RNLS: variants seen among roughly 807,000 people sequenced by gnomAD.
RNLS encodes the protein renalase, FAD dependent amine oxidase, also known as renalase.
RNLS carries 39 observed loss-of-function variants against 39.8 expected under a neutral mutation model. The observed-to-expected ratio is 0.98, with a 90% confidence interval of 0.76 to 1.28. RNLS has a LOEUF of 1.28. RNLS is among the 50% of genes most tolerant of loss of function. The pLI, the probability that RNLS is intolerant of heterozygous loss-of-function variation, is 0.00. For synonymous variants in RNLS, 147 were observed against 150.7 expected (o/e 0.98, Z 0.18); for missense variants, 410 against 413.3 (o/e 0.99, Z 0.07).
intron 4 of RNLS, among the ~76,000 whole-genome samples, chr10:88,483,082 T>C (rs1163680638): frequency 6.6e-6 from 1 of 152,134 alleles, no homozygotes; most frequent in Admixed American, 6.6e-5. Context: ...TCTGACTGTA[T>C]AGTTTAATGG....
intron 5 of RNLS, among the ~76,000 whole-genome samples, chr10:88,360,143 A>G (rs1282305897): frequency 1.3e-5 from 2 of 152,198 alleles, no homozygotes; most frequent in African/African-American, 4.8e-5. Context: ...ATGTGACTCT[A>G]CTTGAAGATA....
intron 4 of RNLS, among the ~76,000 whole-genome samples, chr10:88,571,514 T>C (rs1233239638): frequency 6.6e-6 from 1 of 152,190 alleles, no homozygotes; most frequent in East Asian, 1.9e-4. Flanking sequence ...TGAGACCACA[T>C]GCTCTCTAAG....
intron 4 of RNLS, among the ~76,000 whole-genome samples, chr10:88,550,303 T>G (rs1410869994): frequency 6.6e-6 from 1 of 152,226 alleles, no homozygotes; most frequent in Non-Finnish European, 1.5e-5. Context: ...AACTGATTTT[T>G]TTTCCTTCAA....
chr10:88,525,193 T>C (rs1167333490), intron 4 of RNLS, among the ~76,000 whole-genome samples: 1 of 151,602 alleles, frequency 6.6e-6, no homozygotes, highest in Non-Finnish European at 1.5e-5. Flanking sequence ...CTTCATTCTA[T>C]ACCCTATCCC....
chr10:88,348,511 C>A (rs792222), intron 5 of RNLS, among the ~76,000 whole-genome samples: 3 of 152,082 alleles, frequency 2.0e-5, no homozygotes, highest in Admixed American at 2.0e-4. Flanking sequence ...ACAAATGGGA[C>A]TTAGGGTATT....
chr10:88,565,707 G>T (rs910288536), intron 4 of RNLS, among the ~76,000 whole-genome samples: 5 of 149,560 alleles, frequency 3.3e-5, no homozygotes, highest in African/African-American at 1.2e-4. Flanking sequence ...TTTCTTTTCA[G>T]CATGATACAT....
At chr10:88,256,037 T>A in the RNLS span, among the ~76,000 whole-genome samples, 2 of 152,146 alleles carry the variant, frequency 1.3e-5, no homozygotes, top group Non-Finnish European at 2.9e-5. Flanking sequence ...GGGAGGAGAA[T>A]AAGTTTCAGG....
intron 4 of RNLS, among the ~76,000 whole-genome samples, chr10:88,513,245 A>C (rs932601117): frequency 6.6e-6 from 1 of 152,118 alleles, no homozygotes; most frequent in Admixed American, 6.6e-5. Flanking sequence ...TTCACTTCAT[A>C]ATATATCTTG....
chr10:88,430,644 TGAGA>T (rs1203400455), intron 4 of RNLS, among the ~76,000 whole-genome samples: 4 of 151,944 alleles, frequency 2.6e-5, no homozygotes, highest in African/African-American at 9.6e-5. Flanking sequence ...GGCCATTGAT[TGAGA>T]AAGTTCCCTT....
At chr10:88,224,118 G>A in the RNLS span, among the ~76,000 whole-genome samples, 1 of 151,922 alleles carries the variant, frequency 6.6e-6, no homozygotes, top group Non-Finnish European at 1.5e-5. Context: ...TCAGGCTGCT[G>A]TAACAAAATA....
intron 4 of RNLS, among the ~76,000 whole-genome samples, chr10:88,501,914 A>T (rs1845511647): frequency 6.6e-6 from 1 of 152,148 alleles, no homozygotes. Flanking sequence ...TGGTATAATA[A>T]TATGGAAACA....
At chr10:88,556,593 C>G (rs1327763752) in intron 4 of RNLS, among the ~76,000 whole-genome samples, 2 of 152,184 alleles carry the variant, frequency 1.3e-5, no homozygotes, top group South Asian at 2.1e-4. Context: ...TGCTTCCTCT[C>G]TGCTCTCATC....
At chr10:88,520,851 G>A (rs986501131) in intron 4 of RNLS, among the ~76,000 whole-genome samples, 1 of 151,952 alleles carries the variant, frequency 6.6e-6, no homozygotes, top group East Asian at 1.9e-4. Context: ...CAGTCTTCCT[G>A]AAGATTTCAC....
the RNLS span, among the ~76,000 whole-genome samples, chr10:88,247,384 C>T: frequency 6.6e-6 from 1 of 152,056 alleles, no homozygotes; most frequent in Non-Finnish European, 1.5e-5. Flanking sequence ...GCAGAGGGAA[C>T]AACATATATA....
At chr10:88,306,577 A>G (rs1482810957) in intron 6 of RNLS, among the ~76,000 whole-genome samples, 3 of 152,206 alleles carry the variant, frequency 2.0e-5, no homozygotes, top group Admixed American at 2.0e-4. Context: ...TAGAAAATAT[A>G]CAATAAATGA....
intron 5 of RNLS, among the ~76,000 whole-genome samples, chr10:88,333,053 G>A (rs1487029018): frequency 6.6e-6 from 1 of 152,102 alleles, no homozygotes; most frequent in Non-Finnish European, 1.5e-5. Context: ...TATGACTTTA[G>A]GCTGCTTGTT....
the RNLS span, among the ~76,000 whole-genome samples, chr10:88,252,821 T>C: frequency 6.6e-6 from 1 of 152,354 alleles, no homozygotes; most frequent in African/African-American, 2.4e-5. Context: ...TTAGTGAATG[T>C]ATGGCTATTT....
At chr10:88,498,929 A>G (rs1845318151) in intron 4 of RNLS, among the ~76,000 whole-genome samples, 2 of 152,164 alleles carry the variant, frequency 1.3e-5, no homozygotes, top group African/African-American at 2.4e-5. Context: ...AACTAAAACA[A>G]CTCATGAACT....
intron 4 of RNLS, among the ~76,000 whole-genome samples, chr10:88,494,887 A>G (rs904790065): frequency 2.0e-5 from 3 of 152,180 alleles, no homozygotes; most frequent in Non-Finnish European, 2.9e-5. Flanking sequence ...GGTTACTCTG[A>G]GGTCCCTATA....
Sources: gnomAD v4.1 joint callset for allele counts (sites outside exome capture counted in the v4.1 genomes callset) on GRCh38, gnomAD v4.1.1 for gene constraint, MANE v1.5 for transcripts, NCBI Gene and HGNC (gene_info 2026-07-23, HGNC 2026-07-21) for gene names.